The following EPS15L1 variants were observed in gnomAD, a reference collection of about 807,000 sequenced individuals.
EPS15L1 encodes the protein epidermal growth factor receptor pathway substrate 15 like 1, also known as epidermal growth factor receptor substrate 15-like 1.
In EPS15L1, 43 loss-of-function variants were observed where a neutral mutation model predicts 117.1. That is an observed-to-expected ratio of 0.37 (90% confidence interval 0.29 to 0.47). The LOEUF is 0.47. Among genes scored for constraint, EPS15L1 ranks in the 20% least tolerant of loss-of-function variants. The pLI, the probability that EPS15L1 is intolerant of heterozygous loss-of-function variation, is 0.99. For synonymous variants in EPS15L1, 459 were observed against 470.5 expected, an observed-to-expected ratio of 0.98 and a Z score of 0.32; for missense variants, 981 against 1,164.0, an observed-to-expected ratio of 0.84 and a Z score of 2.29.
intron 23 of EPS15L1, chr19:16,356,862 G>A (rs2091986573): frequency 6.6e-6 from 1 of 152,184 alleles, no homozygotes; most frequent in African/African-American, 2.4e-5. Flanking sequence ...TTCCCTGAGA[G>A]GTCACTGGCA....
In EPS15L1 at chr19:16,417,987, C is replaced by A. The variant is rs775386517; in HGVS notation, c.1068G>T (p.Pro356=). The A allele has an allele frequency of 1.9e-6, 3 of 1,614,122 alleles. No individual in the cohort carries two copies. The highest frequency in any genetic ancestry group is 1.1e-5 in the South Asian group (1 of 91,086). The stretch of plus-strand genomic sequence containing the variant: ...CTCTCTCCGAAGGCGGGACCATGTC[C>A]GGCGAGAGGACTTGAGGAGGGTCGA... ...KGIDPPQVLS[P]DMVPPSERGT... Residue 356 remains proline, a synonymous_variant, in exon 11 of 24, where the codon CCG becomes CCT. Transcript: ENST00000455140.
intron 20 of EPS15L1, 134 bp from the exon 21 acceptor site, chr19:16,385,345 T>C (rs1040263856): frequency 2.7e-6 from 2 of 737,158 alleles, no homozygotes; most frequent in Non-Finnish European, 2.3e-6. Flanking sequence ...GACACGTGTG[T>C]CTGCATGAAG....
chr19:16,406,751 T>C (rs2092660732), intron 13 of EPS15L1, among the ~76,000 whole-genome samples: 1 of 152,224 alleles, frequency 6.6e-6, no homozygotes, highest in Admixed American at 6.5e-5. Flanking sequence ...ACATCCTTCA[T>C]GCACAGAGCA....
chr19:16,402,712 C>A (rs769048116), intron 15 of EPS15L1, among the ~76,000 whole-genome samples: 2 of 2,726 alleles, frequency 7.3e-4, no homozygotes, highest in African/African-American at 1.7e-3. Flanking sequence ...TATTTTTGGG[C>A]AACAAACCAA....
chr19:16,392,267 C>A (rs200432030), intron 19 of EPS15L1, 37 bp downstream of exon 19: 2 of 1,611,828 alleles, frequency 1.2e-6, no homozygotes, highest in Non-Finnish European at 1.7e-6. Context: ...ACAGAGCAGG[C>A]ACGCAGCTCT....
At chr19:16,385,538 G>A (rs927885043) in intron 20 of EPS15L1, among the ~76,000 whole-genome samples, 12 of 152,170 alleles carry the variant, frequency 7.9e-5, no homozygotes, top group African/African-American at 2.7e-4. Flanking sequence ...ACTCCAGGGC[G>A]ACCTGCCACC....
chr19:16,465,312 G>A (rs185857103), intron 1 of EPS15L1, among the ~76,000 whole-genome samples: 167 of 152,204 alleles, frequency 1.1e-3, no homozygotes, highest in South Asian at 3.1e-3. Context: ...CTCTGCTGTG[G>A]GCCGGGCCTG....
At chr19:16,470,328 A>G (rs943581652) in intron 1 of EPS15L1, among the ~76,000 whole-genome samples, 2 of 152,036 alleles carry the variant, frequency 1.3e-5, no homozygotes, top group Non-Finnish European at 2.9e-5. Context: ...CGGAGGTTAC[A>G]GTGAGCTGAG....
chr19:16,429,416 G>A (rs1048249951), intron 7 of EPS15L1, among the ~76,000 whole-genome samples: 77 of 152,172 alleles, frequency 5.1e-4, no homozygotes, highest in South Asian at 4.1e-4. Context: ...GCCAGTCCCC[G>A]GATCTAAGCA....
At chr19:16,367,766 A>C (rs1469494329) in intron 22 of EPS15L1, among the ~76,000 whole-genome samples, 3 of 151,058 alleles carry the variant, frequency 2.0e-5, no homozygotes, top group Non-Finnish European at 3.0e-5. Context: ...AAAAAAAAAA[A>C]AAAAAACCCA....
intron 19 of EPS15L1, among the ~76,000 whole-genome samples, chr19:16,390,141 C>G (rs1405581193): frequency 6.6e-6 from 1 of 151,204 alleles, no homozygotes; most frequent in East Asian, 1.9e-4. Flanking sequence ...AGACACCTAT[C>G]AGTTTTAAAG....
rs757790767 is a variant in EPS15L1, at chr19:16,434,428, G to C, written c.435C>G (p.Leu145=). 6.2e-7 allele frequency: 1 copy of C among 1,614,212 alleles called. No homozygotes were observed. Among genetic ancestry groups the C allele is most frequent in the East Asian group, 2.2e-5 (1 of 44,886 alleles). The change falls in exon 7 of 24, where the codon CTC becomes CTG. Residue 145 remains leucine, a synonymous_variant. Transcript: ENST00000455140. ...GGACTGGCTTGACTTTGTCTCCAGA[G>C]AGCAAACCATTGATGGGCAAGAGGC... ...FESLLPINGL[L]SGDKVKPVLM...
intron 21 of EPS15L1, among the ~76,000 whole-genome samples, chr19:16,382,404 C>T (rs1012619957): frequency 3.9e-5 from 6 of 152,182 alleles, no homozygotes; most frequent in East Asian, 1.9e-4. Context: ...TCTCTGGGCT[C>T]GGCAAGAGTG....
intron 6 of EPS15L1, chr19:16,436,625 A>T (rs1435371258): frequency 3.6e-6 from 1 of 280,442 alleles, no homozygotes. Context: ...CAAAAACCAC[A>T]GAATGTGACC....
At position 16,405,781 on chromosome 19, in the gene EPS15L1, G is replaced by A. The variant is rs1368354622; in HGVS notation, c.1267-1032C>T. On this transcript the variant is annotated intron_variant, in intron 13 of 23. Coordinates refer to ENST00000455140, the MANE Select transcript of EPS15L1 (RefSeq NM_001258374.3). The surrounding 1 kb of genome is among the most constrained non-coding windows in gnomAD (Gnocchi z 4.0). ...AGGAGCTCATGAACAGCACCTCCGG[G>A]GATGGGGACACCCAAGAAGAGGGCA... Among the ~76,000 whole-genome samples, 1 of 152,212 alleles carries A rather than the reference G, an allele frequency of 6.6e-6. No homozygotes were observed. The highest frequency in any genetic ancestry group is 1.5e-5 in the Non-Finnish European group (1 of 68,026).
chr19:16,428,787 A>T (rs1465496356), intron 7 of EPS15L1, 26 bp from the exon 8 acceptor site: 2 of 1,592,776 alleles, frequency 1.3e-6, no homozygotes, highest in Non-Finnish European at 1.7e-6. Flanking sequence ...CAGCATGGGT[A>T]ACTGTGGGAG....
chr19:16,364,308 G>A lies in EPS15L1; in HGVS notation c.2381-2324C>T, dbSNP rs905585785. ...ATGCTGGAGACCCTTCCCTAGAGGG[G>A]CAGTGCCCAGCCCACGCGGGCAGGA... On this transcript the variant is annotated intron_variant, in intron 22 of 23. Coordinates refer to ENST00000455140, the MANE Select transcript of EPS15L1 (RefSeq NM_001258374.3). Among the ~76,000 whole-genome samples the A allele has an allele frequency of 2.6e-5, 4 of 152,348 alleles. 1 individual carries two copies. The highest frequency in any genetic ancestry group is 9.6e-5 in the African/African-American group (4 of 41,590).
chr19:16,356,246 T>C (rs1317955186), intron 23 of EPS15L1: 1 of 216,108 alleles, frequency 4.6e-6, no homozygotes, highest in Admixed American at 5.2e-5. Context: ...TCTGGGAATG[T>C]GGTATTTCTA....
chr19:16,409,404 A>G (rs2092686249), intron 13 of EPS15L1, among the ~76,000 whole-genome samples: 1 of 152,204 alleles, frequency 6.6e-6, no homozygotes, highest in South Asian at 2.1e-4. Context: ...AGAAGAAAAC[A>G]CAGGGATACA....
Sources: gnomAD v4.1 joint callset for allele counts (sites outside exome capture counted in the v4.1 genomes callset) on GRCh38, gnomAD v4.1.1 for gene constraint, Gnocchi (gnomAD v3.1) non-coding constraint, MANE v1.5 for transcripts, NCBI Gene and HGNC (gene_info 2026-07-23, HGNC 2026-07-21) for gene names.